The following ADK variants were observed in gnomAD, a reference collection of about 807,000 sequenced individuals.
ADK encodes the protein N6,N6-dimethyladenosine kinase.
Under a neutral mutation model 44.7 loss-of-function variants are expected in ADK, and 24 were observed. The ratio of observed to expected loss-of-function variants is 0.54; its 90% CI spans 0.39 to 0.76. The LOEUF (loss-of-function observed/expected upper bound fraction) is 0.76. Ranked by LOEUF, ADK falls within the 30% of genes least tolerant of loss-of-function variation. ADK has a pLI of 0.00. For synonymous variants in ADK, 128 were observed against 142.6 expected (o/e 0.90, Z 0.73); for missense variants, 321 against 425.1 (o/e 0.76, Z 2.15).
At chr10:74,609,177 G>T (rs759190167) in intron 9 of ADK, among the ~76,000 whole-genome samples, 1 of 152,134 alleles carries the variant, frequency 6.6e-6, no homozygotes, top group African/African-American at 2.4e-5. Context: ...GCTGGGCTCC[G>T]TCGGGGCAGG....
At chr10:74,567,273 T>C (rs1850703513) in intron 7 of ADK, among the ~76,000 whole-genome samples, 1 of 152,226 alleles carries the variant, frequency 6.6e-6, no homozygotes. Context: ...ATCACCTGTT[T>C]TTTGATCTGC....
chr10:74,151,367 G>A (rs1259664865), intron 1 of ADK, 24 bp downstream of exon 1: 1 of 1,549,338 alleles, frequency 6.5e-7, no homozygotes, highest in South Asian at 1.2e-5. Flanking sequence ...GACTTGGGGA[G>A]GAGGGTGACG....
intron 8 of ADK, among the ~76,000 whole-genome samples, chr10:74,598,440 CCTT>C (rs1178848109): frequency 0.024 from 2,785 of 113,806 alleles, 465 homozygotes; most frequent in African/African-American, 0.098. Context: ...GAATCTTATT[CCTT>C]TTTTTTTTTT....
intron 3 of ADK, among the ~76,000 whole-genome samples, chr10:74,244,082 A>G (rs1374390820): frequency 1.3e-5 from 2 of 152,220 alleles, no homozygotes; most frequent in African/African-American, 4.8e-5. Flanking sequence ...ATAATGTTTA[A>G]CTTCTCAATA....
chr10:74,274,898 A>T (rs1404628615), intron 3 of ADK, among the ~76,000 whole-genome samples: 1 of 151,564 alleles, frequency 6.6e-6, no homozygotes, highest in African/African-American at 2.4e-5. Context: ...GACTGGAGGA[A>T]CTACGTTTTT....
At chr10:74,601,891 G>C (rs965753766) in intron 9 of ADK, among the ~76,000 whole-genome samples, 1 of 146,744 alleles carries the variant, frequency 6.8e-6, no homozygotes. Flanking sequence ...CCAGGAGTTG[G>C]AGACCAGCCT....
At chr10:74,211,200 T>C (rs59862850) in intron 2 of ADK, among the ~76,000 whole-genome samples, 5,831 of 152,244 alleles carry the variant, frequency 0.038, 416 homozygotes, top group African/African-American at 0.13. Flanking sequence ...ATTAATTCTT[T>C]ATAAAGCTAT....
At chr10:74,247,224 G>GTTTTTTTTTTTTTTTTTTTTTTT (rs142274121) in intron 3 of ADK, among the ~76,000 whole-genome samples, 3 of 72,008 alleles carry the variant, frequency 4.2e-5, no homozygotes, top group South Asian at 5.9e-4. Flanking sequence ...TTTTTTTTAA[G>GTTTTTTTTTTTTTTTTTTTTTTT]TTTTTTTTTT....
intron 9 of ADK, among the ~76,000 whole-genome samples, chr10:74,663,764 T>C (rs1319465440): frequency 1.3e-5 from 2 of 152,202 alleles, no homozygotes; most frequent in African/African-American, 2.4e-5. Context: ...AACTCAGAGC[T>C]CTTTATGCCT....
intron 2 of ADK, among the ~76,000 whole-genome samples, chr10:74,204,247 G>T (rs778429407): frequency 6.6e-6 from 1 of 152,148 alleles, no homozygotes; most frequent in Non-Finnish European, 1.5e-5. Flanking sequence ...AAGCCACTGT[G>T]CCTAGCCTTA....
At chr10:74,247,090 T>C (rs539796167) in intron 3 of ADK, among the ~76,000 whole-genome samples, 1 of 152,072 alleles carries the variant, frequency 6.6e-6, no homozygotes, top group South Asian at 2.1e-4. Context: ...ATCCTAATTC[T>C]TTATCCTCAT....
chr10:74,362,385 T>C (rs1842363843), intron 4 of ADK, among the ~76,000 whole-genome samples: 1 of 151,692 alleles, frequency 6.6e-6, no homozygotes. Context: ...TTTTTTTAGT[T>C]GCAGGATTTC....
chr10:74,244,874 A>T (rs1471975478), intron 3 of ADK, among the ~76,000 whole-genome samples: 6 of 152,222 alleles, frequency 3.9e-5, no homozygotes, highest in Non-Finnish European at 8.8e-5. Context: ...ATGACGATCC[A>T]TTAGAGTCAA....
At chr10:74,257,247 A>G (rs564624344) in intron 3 of ADK, among the ~76,000 whole-genome samples, 17 of 152,176 alleles carry the variant, frequency 1.1e-4, no homozygotes, top group Non-Finnish European at 2.2e-4. Flanking sequence ...ATAAAGGAAA[A>G]GTTGGCTCTC....
chr10:74,198,899 TTA>T (rs1314839534), intron 1 of ADK, among the ~76,000 whole-genome samples: 1 of 152,180 alleles, frequency 6.6e-6, no homozygotes, highest in African/African-American at 2.4e-5. Flanking sequence ...AAATGAATCC[TTA>T]TATATATAAC....
At chr10:74,270,616 G>A (rs142714970) in intron 3 of ADK, among the ~76,000 whole-genome samples, 1,596 of 152,280 alleles carry the variant, frequency 0.01, 29 homozygotes, top group African/African-American at 0.037. Context: ...TGGGACCCTT[G>A]TAGTCCTTAG....
chr10:74,410,393 G>A (rs1404788595), intron 6 of ADK, among the ~76,000 whole-genome samples: 1 of 152,044 alleles, frequency 6.6e-6, no homozygotes, highest in African/African-American at 2.4e-5. Flanking sequence ...TATTATTTAG[G>A]CCAGGCACAG....
intron 3 of ADK, among the ~76,000 whole-genome samples, chr10:74,307,082 T>G (rs1273119472): frequency 6.6e-6 from 1 of 152,200 alleles, no homozygotes; most frequent in African/African-American, 2.4e-5. Context: ...ATGTAACCAG[T>G]ATAAGTATAT....
chr10:74,236,125 G>A (rs940334271), intron 3 of ADK, among the ~76,000 whole-genome samples: 1 of 152,142 alleles, frequency 6.6e-6, no homozygotes, highest in Non-Finnish European at 1.5e-5. Context: ...ATATTAAATT[G>A]TAAGTTGTAT....
Sources: gnomAD v4.1 joint callset for allele counts (sites outside exome capture counted in the v4.1 genomes callset) on GRCh38, gnomAD v4.1.1 for gene constraint, MANE v1.5 for transcripts, NCBI Gene and HGNC (gene_info 2026-07-23, HGNC 2026-07-21) for gene names.